RASAL2: variants seen among roughly 807,000 people sequenced by gnomAD.
The protein encoded by RASAL2 is RAS protein activator like 2.
Under a neutral mutation model 128.9 loss-of-function variants are expected in RASAL2, and 58 were observed. The observed-to-expected ratio is 0.45, with a 90% CI of 0.36 to 0.56. The LOEUF (loss-of-function observed/expected upper bound fraction) is 0.56. Among genes scored for constraint, RASAL2 ranks in the 20% least tolerant of loss-of-function variants. The probability of loss-of-function intolerance (pLI) is 0.00; values close to 1 mark genes in which losing one functional copy is unlikely to be tolerated. For synonymous variants in RASAL2, 561 were observed against 580.8 expected, an observed-to-expected ratio of 0.97 and a Z score of 0.49; for missense variants, 1,360 against 1,601.6, an observed-to-expected ratio of 0.85 and a Z score of 2.57.
At chr1:178,434,246 A>G (rs1249738245) in intron 5 of RASAL2, among the ~76,000 whole-genome samples, 1 of 152,096 alleles carries the variant, frequency 6.6e-6, no homozygotes, top group East Asian at 1.9e-4. Flanking sequence ...TCTGTAAAGG[A>G]ATTGTTCCCT....
intron 1 of RASAL2, among the ~76,000 whole-genome samples, chr1:178,141,205 T>TTC (rs1553253577): frequency 5.7e-5 from 8 of 140,022 alleles, no homozygotes; most frequent in Non-Finnish European, 1.1e-4. Flanking sequence ...TTTTTTTTTT[T>TTC]TTTTTTTTTT....
At chr1:178,147,216 C>A (rs986510450) in intron 1 of RASAL2, among the ~76,000 whole-genome samples, 12 of 151,912 alleles carry the variant, frequency 7.9e-5, no homozygotes, top group African/African-American at 2.7e-4. Context: ...TGGCTGGGCG[C>A]GGTAGGTCAT....
intron 3 of RASAL2, among the ~76,000 whole-genome samples, chr1:178,312,861 AAG>A (rs1396203806): frequency 6.6e-6 from 1 of 152,220 alleles, no homozygotes; most frequent in Non-Finnish European, 1.5e-5. Context: ...GCTCAGGACA[AAG>A]AGAACACTTC....
chr1:178,290,452 C>A (rs1049534601), intron 2 of RASAL2, among the ~76,000 whole-genome samples: 9 of 152,118 alleles, frequency 5.9e-5, no homozygotes, highest in Non-Finnish European at 1.0e-4. Flanking sequence ...ATACATGATT[C>A]CATCTTTATT....
intron 1 of RASAL2, among the ~76,000 whole-genome samples, chr1:178,148,463 T>TA (rs1282506000): frequency 1.1e-3 from 166 of 152,134 alleles, no homozygotes; most frequent in African/African-American, 3.9e-3. Context: ...TTTATTTATT[T>TA]TTTGAGATAG....
chr1:178,435,469 C>A (rs1676197331), intron 5 of RASAL2, among the ~76,000 whole-genome samples: 1 of 152,048 alleles, frequency 6.6e-6, no homozygotes, highest in Admixed American at 6.6e-5. Flanking sequence ...AGACTGATTT[C>A]ATATAGGGAT....
chr1:178,168,925 G>A (rs1227388121), intron 1 of RASAL2, among the ~76,000 whole-genome samples: 1 of 151,922 alleles, frequency 6.6e-6, no homozygotes, highest in African/African-American at 2.4e-5. Context: ...TAGTTGTATA[G>A]ATTTATTCAT....
intron 1 of RASAL2, among the ~76,000 whole-genome samples, chr1:178,218,532 C>A (rs1009812532): frequency 5.3e-5 from 8 of 152,018 alleles, no homozygotes; most frequent in Non-Finnish European, 1.0e-4. Flanking sequence ...ACTAAAAATA[C>A]AAAAATTAGC....
rs965136061 is a variant in RASAL2, at chr1:178,390,167, C to T, written c.525C>T (p.Asn175=). The T allele has an allele frequency of 3.7e-6, 6 of 1,612,940 alleles. No homozygotes were observed. Among genetic ancestry groups the T allele is most frequent in the Admixed American group, 3.3e-5 (2 of 59,918 alleles). ...ISGTSTSEKP[N]SMDTANTSPF... ...GGACCAGTACATCAGAGAAACCCAACTCCATGGACACTGCAAATACCTCAC... is the reference window on the plus strand; with the variant it reads ...GGACCAGTACATCAGAGAAACCCAATTCCATGGACACTGCAAATACCTCAC... The change falls in exon 4 of 18, where the codon AAC becomes AAT. Residue 175 remains asparagine (N), a synonymous_variant. Transcript: ENST00000367649.
chr1:178,169,622 A>G (rs1358670538), intron 1 of RASAL2, among the ~76,000 whole-genome samples: 1 of 152,032 alleles, frequency 6.6e-6, no homozygotes, highest in Non-Finnish European at 1.5e-5. Flanking sequence ...TATTAATTGA[A>G]GAGTACTCTT....
intron 2 of RASAL2, among the ~76,000 whole-genome samples, chr1:178,290,320 G>A (rs1173021746): frequency 2.6e-5 from 4 of 152,130 alleles, no homozygotes; most frequent in African/African-American, 7.2e-5. Context: ...AAGTTGAATA[G>A]AAAATATCTT....
chr1:178,274,938 A>T (rs758532382), intron 1 of RASAL2, among the ~76,000 whole-genome samples: 1 of 152,218 alleles, frequency 6.6e-6, no homozygotes, highest in Non-Finnish European at 1.5e-5. Context: ...AAAATTGTAG[A>T]TAGGCTTTTA....
At chr1:178,181,339 T>C (rs1295001278) in intron 1 of RASAL2, among the ~76,000 whole-genome samples, 1 of 152,000 alleles carries the variant, frequency 6.6e-6, no homozygotes, top group East Asian at 1.9e-4. Context: ...TATTATTAAA[T>C]AAATTTCCTA....
intron 2 of RASAL2, among the ~76,000 whole-genome samples, chr1:178,293,761 C>G (rs1006187871): frequency 6.6e-6 from 1 of 152,074 alleles, no homozygotes; most frequent in Non-Finnish European, 1.5e-5. Flanking sequence ...TGTTAACTTA[C>G]GTGGAATTAG....
At chr1:178,259,428 C>T (rs1421418465) in intron 1 of RASAL2, among the ~76,000 whole-genome samples, 1 of 152,180 alleles carries the variant, frequency 6.6e-6, no homozygotes, top group African/African-American at 2.4e-5. Flanking sequence ...CAAGAATGTT[C>T]TAAAATCGTC....
At chr1:178,124,870 G>A (rs1659841107) in intron 1 of RASAL2, among the ~76,000 whole-genome samples, 1 of 152,006 alleles carries the variant, frequency 6.6e-6, no homozygotes, top group Non-Finnish European at 1.5e-5. Context: ...TATTAAAATG[G>A]GTTAACTTTT....
chr1:178,283,772 GA>G, intron 2 of RASAL2, 81 bp downstream of exon 2: 2 of 1,532,044 alleles, frequency 1.3e-6, no homozygotes, highest in South Asian at 2.3e-5. Context: ...TTTGCATTTT[GA>G]AAAGTTGGAT....
At position 178,478,042 on chromosome 1, in the gene RASAL2, C is replaced by T. The variant is rs975319564; in HGVS notation, c.*4803C>T. 2 of 152,130 alleles carry T rather than the reference C, an allele frequency of 1.3e-5. No homozygotes were observed. Among genetic ancestry groups the T allele is most frequent in the African/African-American group, 2.4e-5 (1 of 41,434 alleles). The allele number at this position is 152,130 out of a possible 1,614,324, so 9.4% of individuals were successfully genotyped here. On this transcript the variant is annotated 3_prime_UTR_variant, in exon 18 of 18. Coordinates refer to ENST00000367649, the MANE Select transcript of RASAL2 (RefSeq NM_170692.4). ...AGACTTGGGAAATGCAGTGAGCACC[C>T]GAGGAAAGGAAAGTGGTAGTCTTTG...
At chr1:178,455,277 T>C (rs1471129704) in intron 12 of RASAL2, among the ~76,000 whole-genome samples, 2 of 152,184 alleles carry the variant, frequency 1.3e-5, no homozygotes, top group Non-Finnish European at 2.9e-5. Flanking sequence ...CAAAAAGGAA[T>C]AGATTTGGTA....
Sources: allele counts gnomAD v4.1 joint callset (sites outside exome capture counted in the v4.1 genomes callset), GRCh38; gene constraint gnomAD v4.1.1; transcripts MANE v1.5; gene names NCBI Gene and HGNC (gene_info 2026-07-23, HGNC 2026-07-21).